The following PROS1 variants were observed in gnomAD, a reference collection of about 807,000 sequenced individuals.
PROS1 encodes protein S, also known as vitamin K-dependent protein S.
In PROS1, 29 loss-of-function variants were observed where a neutral mutation model predicts 75.9. The ratio of observed to expected loss-of-function variants is 0.38; its 90% CI spans 0.28 to 0.52. The LOEUF (loss-of-function observed/expected upper bound fraction) is 0.52, where lower values mean the gene tolerates loss of function less well. Among genes scored for constraint, PROS1 ranks in the 20% least tolerant of loss-of-function variants. The probability of loss-of-function intolerance (pLI) is 0.83; values close to 1 mark genes in which losing one functional copy is unlikely to be tolerated. For missense variants in PROS1, 680 were observed against 810.3 expected (o/e 0.84, Z 1.95); for synonymous variants, 245 against 280.6 (o/e 0.87, Z 1.27).
At chr3:93,915,115 G>A (rs1200833804) in intron 3 of PROS1, among the ~76,000 whole-genome samples, 1 of 152,100 alleles carries the variant, frequency 6.6e-6, no homozygotes, top group African/African-American at 2.4e-5. Flanking sequence ...CCTTTTAATT[G>A]TAAATCCAAG....
At chr3:93,878,532 A>G (rs2107127721) in intron 13 of PROS1, among the ~76,000 whole-genome samples, 1 of 152,328 alleles carries the variant, frequency 6.6e-6, no homozygotes, top group Admixed American at 6.5e-5. Flanking sequence ...TGACACATAG[A>G]CAGAACGACT....
At chr3:93,947,756 A>G (rs1436397866) in intron 1 of PROS1, among the ~76,000 whole-genome samples, 1 of 151,840 alleles carries the variant, frequency 6.6e-6, no homozygotes, top group Non-Finnish European at 1.5e-5. Flanking sequence ...TTTAGTAGAG[A>G]TGGGGTTTCA....
chr3:93,942,198 C>T (rs910384695), intron 1 of PROS1, among the ~76,000 whole-genome samples: 10 of 152,152 alleles, frequency 6.6e-5, no homozygotes, highest in African/African-American at 2.4e-4. Flanking sequence ...GAGGCTACCG[C>T]TCTGCCCCCC....
chr3:93,885,963 T>A (rs1223848797), intron 11 of PROS1, among the ~76,000 whole-genome samples: 2 of 152,158 alleles, frequency 1.3e-5, no homozygotes, highest in Non-Finnish European at 2.9e-5. Context: ...AATGGTGTAA[T>A]TTTGGACTTA....
intron 3 of PROS1, among the ~76,000 whole-genome samples, chr3:93,923,582 T>A (rs1470867840): frequency 6.6e-6 from 1 of 152,176 alleles, no homozygotes; most frequent in Non-Finnish European, 1.5e-5. Flanking sequence ...CATGGATATA[T>A]CCATATCCCA....
chr3:93,920,798 C>T (rs1273188508), intron 3 of PROS1, among the ~76,000 whole-genome samples: 1 of 151,882 alleles, frequency 6.6e-6, no homozygotes, highest in Admixed American at 6.6e-5. Context: ...CTCTTTCCAT[C>T]TCTCCCTCCC....
rs148234743 is a variant in PROS1, at chr3:93,877,075, C to A, written c.1761G>T (p.Ser587=). 6.2e-7 allele frequency: 1 copy of A among 1,613,148 alleles called. No homozygotes were observed. The highest frequency in any genetic ancestry group is 8.5e-7 in the Non-Finnish European group (1 of 1,179,296). The change falls in exon 14 of 15, where the codon TCG becomes TCT. Residue 587 remains serine, a synonymous_variant. Coordinates refer to ENST00000394236, the MANE Select transcript of PROS1 (RefSeq NM_000313.4). ...AGATGGTTTCTATTTTAAGTGGTGT[C>A]GACAACTCCAGATTGTTTCTGTTGA... The part of the protein sequence containing the change: ...FRVNRNNLEL[S]TPLKIETISH...
intron 10 of PROS1, 35 bp downstream of exon 10, chr3:93,892,898 A>G: frequency 6.3e-7 from 1 of 1,585,974 alleles, no homozygotes; most frequent in African/African-American, 1.3e-5. Flanking sequence ...GACTGCATCA[A>G]AGTGGGAAGA....
chr3:93,958,960 A>AG (rs569185441), intron 1 of PROS1, among the ~76,000 whole-genome samples: 172 of 152,294 alleles, frequency 1.1e-3, no homozygotes, highest in African/African-American at 4.0e-3. Flanking sequence ...GAAAATTGAC[A>AG]CTTTTTGAAA....
At chr3:93,896,728 CA>C in intron 8 of PROS1, 37 bp from the exon 9 acceptor site, 3 of 1,440,276 alleles carry the variant, frequency 2.1e-6, no homozygotes, top group Non-Finnish European at 2.9e-6. Flanking sequence ...ACAAGAAAAT[CA>C]AAATGCACAG....
intron 12 of PROS1, among the ~76,000 whole-genome samples, chr3:93,880,811 TTAAAG>T (rs1454169612): frequency 6.6e-6 from 1 of 152,210 alleles, no homozygotes; most frequent in Non-Finnish European, 1.5e-5. Context: ...TAATTACTTA[TTAAAG>T]TAATTTTTTT....
At chr3:93,878,452 T>C (rs1708224066) in intron 13 of PROS1, among the ~76,000 whole-genome samples, 1 of 152,214 alleles carries the variant, frequency 6.6e-6, no homozygotes, top group African/African-American at 2.4e-5. Flanking sequence ...TAAAATCTAC[T>C]GAAAGCATCC....
At chr3:93,935,393 T>C (rs1709167418) in intron 1 of PROS1, among the ~76,000 whole-genome samples, 1 of 152,210 alleles carries the variant, frequency 6.6e-6, no homozygotes, top group Admixed American at 6.5e-5. Flanking sequence ...ACCAAGAAGT[T>C]ACTGCACAGA....
At chr3:93,957,170 G>A (rs893119568) in intron 1 of PROS1, among the ~76,000 whole-genome samples, 1 of 152,088 alleles carries the variant, frequency 6.6e-6, no homozygotes, top group South Asian at 2.1e-4. Context: ...TTTAAAGGGT[G>A]ATATAGACTT....
chr3:93,881,529 T>C (rs143341429), intron 12 of PROS1, among the ~76,000 whole-genome samples: 10 of 149,330 alleles, frequency 6.7e-5, no homozygotes, highest in African/African-American at 2.4e-4. Context: ...CATAAAAATT[T>C]AAAAATGTAT....
intron 12 of PROS1, 145 bp downstream of exon 12, chr3:93,884,583 G>T (rs1708318623): frequency 2.2e-6 from 2 of 919,946 alleles, no homozygotes; most frequent in South Asian, 3.8e-5. Context: ...TTTTGTAAAA[G>T]GTATATAATA....
chr3:93,949,718 G>T (rs1709462425), intron 1 of PROS1, among the ~76,000 whole-genome samples: 1 of 152,148 alleles, frequency 6.6e-6, no homozygotes, highest in Non-Finnish European at 1.5e-5. Context: ...CGAGAAAGGA[G>T]TTCCAAGATG....
chr3:93,898,500 T>C lies in PROS1; in HGVS notation c.797A>G (p.Tyr266Cys), dbSNP rs777616039. ...TTTGAATCCTTTCTTCCCATCACAA[T>C]AGCAAGTGTAACCTCCAGGGTAATT... ...CVNYPGGYTC[Y>C]CDGKKGFKLA... Residue 266 changes from tyrosine (Y) to cysteine (C), a missense_variant, in exon 8 of 15, where the codon TAT becomes TGT. Coordinates refer to ENST00000394236, the MANE Select transcript of PROS1 (RefSeq NM_000313.4). 1.9e-6 allele frequency: 3 copies of C among 1,612,766 alleles called. No individual in the cohort carries two copies. Among genetic ancestry groups the C allele is most frequent in the Non-Finnish European group, 2.5e-6 (3 of 1,179,020 alleles).
chr3:93,891,960 A>G (rs1403420831), intron 10 of PROS1, among the ~76,000 whole-genome samples: 1 of 152,022 alleles, frequency 6.6e-6, no homozygotes, highest in Non-Finnish European at 1.5e-5. Flanking sequence ...ACTTGTTACT[A>G]TGTTTATTTC....
Sources: gnomAD v4.1 joint callset for allele counts (sites outside exome capture counted in the v4.1 genomes callset) on GRCh38, gnomAD v4.1.1 for gene constraint, MANE v1.5 for transcripts, NCBI Gene and HGNC (gene_info 2026-07-23, HGNC 2026-07-21) for gene names.